The following NRG1 variants were observed in gnomAD, a reference collection of about 807,000 sequenced individuals.
NRG1 encodes the protein neuregulin 1.
Under a neutral mutation model 63.8 loss-of-function variants are expected in NRG1, and 18 were observed. The observed-to-expected ratio is 0.28, with a 90% CI of 0.19 to 0.42. NRG1 has a LOEUF of 0.42. Ranked by LOEUF, NRG1 falls within the 10% of genes least tolerant of loss-of-function variation. NRG1 has a pLI of 1.00. For synonymous variants in NRG1, 302 were observed against 301.3 expected (o/e 1.00, Z -0.02); for missense variants, 762 against 814.7 (o/e 0.94, Z 0.79).
At chr8:32,261,874 C>T (rs549541994) in intron 1 of NRG1, among the ~76,000 whole-genome samples, 35 of 152,112 alleles carry the variant, frequency 2.3e-4, no homozygotes, top group African/African-American at 7.7e-4. Context: ...TTTCCTTTGC[C>T]GGTATTATTA....
intron 1 of NRG1, among the ~76,000 whole-genome samples, chr8:32,402,855 C>G (rs1813402754): frequency 6.6e-6 from 1 of 152,100 alleles, no homozygotes; most frequent in Non-Finnish European, 1.5e-5. Flanking sequence ...TCGTACTACC[C>G]ACGGTTTCAG....
At chr8:31,948,381 A>C (rs1163231836) in intron 1 of NRG1, among the ~76,000 whole-genome samples, 3 of 152,152 alleles carry the variant, frequency 2.0e-5, no homozygotes, top group African/African-American at 7.2e-5. Context: ...CCTGAAATCT[A>C]TGCAGATAAT....
At chr8:31,719,765 CAAGAT>C (rs975735114) in intron 1 of NRG1, among the ~76,000 whole-genome samples, 1 of 151,948 alleles carries the variant, frequency 6.6e-6, no homozygotes, top group African/African-American at 2.4e-5. Context: ...TGACATGTGT[CAAGAT>C]AAGAAATGGA....
At chr8:32,380,103 T>C (rs370596678) in intron 1 of NRG1, among the ~76,000 whole-genome samples, 57 of 152,190 alleles carry the variant, frequency 3.7e-4, no homozygotes, top group African/African-American at 1.2e-3. Context: ...TTTTTGCTTC[T>C]ATCTCCACAT....
intron 1 of NRG1, among the ~76,000 whole-genome samples, chr8:32,509,586 G>C (rs1828936451): frequency 6.6e-6 from 1 of 152,136 alleles, no homozygotes; most frequent in African/African-American, 2.4e-5. Context: ...AGGAGAGGGG[G>C]AAGAGTCAAA....
intron 1 of NRG1, among the ~76,000 whole-genome samples, chr8:32,462,595 C>CTTTTTTTTTTTTTTTTTTTTTTT (rs58485445): frequency 1.4e-5 from 1 of 72,274 alleles, no homozygotes; most frequent in Non-Finnish European, 2.5e-5. Flanking sequence ...CACACTGATT[C>CTTTTTTTTTTTTTTTTTTTTTTT]TTTTTTTTTT....
At chr8:31,836,686 T>A (rs1235160567) in intron 1 of NRG1, among the ~76,000 whole-genome samples, 2 of 152,106 alleles carry the variant, frequency 1.3e-5, no homozygotes, top group African/African-American at 4.8e-5. Context: ...AATGCATCCC[T>A]ATCGATGAAT....
intron 1 of NRG1, among the ~76,000 whole-genome samples, chr8:32,307,126 C>T (rs531299909): frequency 6.6e-6 from 1 of 152,226 alleles, no homozygotes; most frequent in African/African-American, 2.4e-5. Context: ...GTCAACTTCC[C>T]CTTATGGAAT....
chr8:31,788,879 C>G (rs996760311), intron 1 of NRG1, among the ~76,000 whole-genome samples: 1 of 152,172 alleles, frequency 6.6e-6, no homozygotes, highest in Non-Finnish European at 1.5e-5. Flanking sequence ...CAATCTGTCT[C>G]TTATAGTGAG....
chr8:32,296,887 C>T (rs574272488), intron 1 of NRG1, among the ~76,000 whole-genome samples: 7 of 152,094 alleles, frequency 4.6e-5, no homozygotes, highest in Non-Finnish European at 8.8e-5. Flanking sequence ...GAGGCCAAGG[C>T]GGGTGGATCA....
chr8:31,907,203 G>T (rs1421713015), intron 1 of NRG1, among the ~76,000 whole-genome samples: 1 of 139,944 alleles, frequency 7.1e-6, no homozygotes, highest in East Asian at 2.0e-4. Flanking sequence ...GACAGTGAAA[G>T]AATATGATGA....
intron 1 of NRG1, among the ~76,000 whole-genome samples, chr8:31,655,066 A>G (rs1256347573): frequency 6.6e-6 from 1 of 152,178 alleles, no homozygotes; most frequent in Admixed American, 6.5e-5. Context: ...TATAGTTGCC[A>G]TTCTTAGGAT....
chr8:32,392,529 A>G (rs903046750), intron 1 of NRG1, among the ~76,000 whole-genome samples: 1 of 152,188 alleles, frequency 6.6e-6, no homozygotes, highest in African/African-American at 2.4e-5. Flanking sequence ...GGTTTACTTT[A>G]ATATGTCCAA....
chr8:32,025,903 G>C (rs1179868359), intron 1 of NRG1, among the ~76,000 whole-genome samples: 2 of 141,090 alleles, frequency 1.4e-5, no homozygotes, highest in Non-Finnish European at 3.0e-5. Flanking sequence ...CCGAGATCCC[G>C]CCGCTGCATT....
At chr8:32,044,595 A>G (rs528385797) in intron 1 of NRG1, among the ~76,000 whole-genome samples, 2 of 151,924 alleles carry the variant, frequency 1.3e-5, no homozygotes, top group Admixed American at 6.6e-5. Context: ...CATGGAATTG[A>G]AGTCACACAA....
intron 1 of NRG1, among the ~76,000 whole-genome samples, chr8:32,383,203 T>A (rs527603359): frequency 6.6e-6 from 1 of 152,208 alleles, no homozygotes; most frequent in East Asian, 1.9e-4. Context: ...CCAGCCTTGG[T>A]GATAGAGCAA....
At chr8:31,901,201 A>G (rs759521189) in intron 1 of NRG1, among the ~76,000 whole-genome samples, 2 of 152,212 alleles carry the variant, frequency 1.3e-5, no homozygotes, top group Non-Finnish European at 2.9e-5. Flanking sequence ...GAACATTTAG[A>G]GTTCACTATG....
At chr8:31,941,738 A>C (rs1801780926) in intron 1 of NRG1, among the ~76,000 whole-genome samples, 1 of 152,142 alleles carries the variant, frequency 6.6e-6, no homozygotes, top group African/African-American at 2.4e-5. Flanking sequence ...GCTCTGCTAT[A>C]CACTAACAGC....
chr8:32,755,287 A>G (rs749154394), intron 8 of NRG1, among the ~76,000 whole-genome samples: 1 of 152,176 alleles, frequency 6.6e-6, no homozygotes, highest in Admixed American at 6.5e-5. Flanking sequence ...CAAGCCTAAT[A>G]TGTTAAATTA....
Sources: allele counts gnomAD v4.1 joint callset (sites outside exome capture counted in the v4.1 genomes callset), GRCh38; gene constraint gnomAD v4.1.1; transcripts MANE v1.5; gene names NCBI Gene and HGNC (gene_info 2026-07-23, HGNC 2026-07-21).